Variants in PXDNL observed in about 807,000 individuals in gnomAD.
PXDNL encodes the protein peroxidasin like, also known as probable oxidoreductase PXDNL.
PXDNL carries 145 observed loss-of-function variants against 150.8 expected under a neutral mutation model. The observed-to-expected ratio is 0.96, with a 90% CI of 0.84 to 1.10. The LOEUF (loss-of-function observed/expected upper bound fraction) is 1.10. PXDNL is among the 50% of genes least tolerant of loss of function. The pLI is 0.00. For missense variants in PXDNL, 2,087 were observed against 1,873.9 expected (o/e 1.11, Z -2.10); for synonymous variants, 757 against 725.7 (o/e 1.04, Z -0.69).
At chr8:51,466,891 A>C (rs1223708750) in intron 8 of PXDNL, among the ~76,000 whole-genome samples, 3 of 152,156 alleles carry the variant, frequency 2.0e-5, no homozygotes, top group African/African-American at 7.2e-5. Context: ...AAAGTCAAAA[A>C]ATAACAGGTC....
At chr8:51,808,765 A>G (rs1286898645) in intron 1 of PXDNL, among the ~76,000 whole-genome samples, 1 of 152,184 alleles carries the variant, frequency 6.6e-6, no homozygotes, top group Non-Finnish European at 1.5e-5. Flanking sequence ...GTCAGCACAT[A>G]ATCAATTGAA....
intron 1 of PXDNL, among the ~76,000 whole-genome samples, chr8:51,655,152 A>G (rs1451563800): frequency 6.6e-6 from 1 of 152,144 alleles, no homozygotes; most frequent in African/African-American, 2.4e-5. Context: ...TCACATATCA[A>G]CTCAACACCA....
chr8:51,615,893 A>C (rs1463563126), intron 2 of PXDNL, among the ~76,000 whole-genome samples: 1 of 152,238 alleles, frequency 6.6e-6, no homozygotes, highest in African/African-American at 2.4e-5. Flanking sequence ...ACATGGCAGC[A>C]GAGAATGGCC....
At chr8:51,568,627 T>A (rs1437033556) in intron 3 of PXDNL, among the ~76,000 whole-genome samples, 2 of 151,922 alleles carry the variant, frequency 1.3e-5, no homozygotes, top group Non-Finnish European at 2.9e-5. Context: ...TTTTGGGACC[T>A]GTGTTTCCCA....
chr8:51,628,399 C>CTTTTTTTTTTTTTT (rs71550276), intron 2 of PXDNL, among the ~76,000 whole-genome samples: 10 of 69,784 alleles, frequency 1.4e-4, no homozygotes, highest in Admixed American at 2.5e-4. Context: ...CTTTTCTTTT[C>CTTTTTTTTTTTTTT]TTTTTTTTTT....
intron 1 of PXDNL, among the ~76,000 whole-genome samples, chr8:51,655,899 G>C (rs1023946086): frequency 4.6e-5 from 7 of 152,100 alleles, no homozygotes; most frequent in Non-Finnish European, 1.0e-4. Context: ...AAGAAACAAA[G>C]CCCTGGACCC....
At chr8:51,410,562 C>T (rs1808601355) in intron 16 of PXDNL, among the ~76,000 whole-genome samples, 1 of 152,034 alleles carries the variant, frequency 6.6e-6, no homozygotes, top group African/African-American at 2.4e-5. Flanking sequence ...CCTTCTGCAC[C>T]ACGTCTCGGT....
chr8:51,576,891 C>T (rs373677833), intron 3 of PXDNL, among the ~76,000 whole-genome samples: 33 of 151,860 alleles, frequency 2.2e-4, no homozygotes, highest in African/African-American at 7.7e-4. Context: ...ATATATTTGA[C>T]AAATTAGAAA....
chr8:51,640,105 C>T (rs1255199965), intron 2 of PXDNL, among the ~76,000 whole-genome samples: 1 of 152,186 alleles, frequency 6.6e-6, no homozygotes, highest in Admixed American at 6.5e-5. Context: ...ACAAAAACCA[C>T]ATGATTATCT....
chr8:51,332,717 G>A (rs1805725998), intron 21 of PXDNL, among the ~76,000 whole-genome samples: 2 of 152,088 alleles, frequency 1.3e-5, no homozygotes, highest in Admixed American at 6.6e-5. Context: ...CAATAAAATT[G>A]AACAAGTAGA....
intron 1 of PXDNL, among the ~76,000 whole-genome samples, chr8:51,745,585 C>G (rs1585718482): frequency 1.3e-5 from 2 of 152,180 alleles, no homozygotes; most frequent in Admixed American, 6.5e-5. Flanking sequence ...AATGGCCACC[C>G]TGTTCCCAGA....
At chr8:51,805,353 CTTTA>C (rs2037664393) in intron 1 of PXDNL, among the ~76,000 whole-genome samples, 1 of 147,778 alleles carries the variant, frequency 6.8e-6, no homozygotes, top group Non-Finnish European at 1.5e-5. Flanking sequence ...ATATATAAAA[CTTTA>C]TATATAATTT....
At position 51,809,345 on chromosome 8, in the gene PXDNL, C is replaced by T; in HGVS notation, c.-1G>A. The T allele has an allele frequency of 1.3e-6, 2 of 1,528,810 alleles. No homozygotes were observed. The highest frequency in any genetic ancestry group is 1.8e-6 in the Non-Finnish European group (2 of 1,138,888). The allele number at this position is 1,528,810 out of a possible 1,614,324, so 94.7% of individuals were successfully genotyped here. On this transcript the variant is annotated 5_prime_UTR_variant, in exon 1 of 23. Coordinates refer to ENST00000356297, the MANE Select transcript of PXDNL (RefSeq NM_144651.5). Reference sequence around the variant, plus strand: ...TCCAGCAGAACAGTCTGGGCTCCATCGCTCCATTCGCTGCTGGCCACGCGA... The same window carrying T: ...TCCAGCAGAACAGTCTGGGCTCCATTGCTCCATTCGCTGCTGGCCACGCGA...
intron 1 of PXDNL, among the ~76,000 whole-genome samples, chr8:51,797,726 TATC>T (rs35930724): frequency 0.51 from 76,649 of 151,636 alleles, 23,401 homozygotes; most frequent in Non-Finnish European, 0.67. Flanking sequence ...GAAGAATTAA[TATC>T]ATGAAAATGG....
chr8:51,369,921 A>T (rs1807046503), intron 19 of PXDNL, among the ~76,000 whole-genome samples: 1 of 152,132 alleles, frequency 6.6e-6, no homozygotes, highest in Admixed American at 6.5e-5. Context: ...CCCTCCTCCG[A>T]GTCTTCAACA....
At chr8:51,793,110 C>G (rs1256422806) in intron 1 of PXDNL, among the ~76,000 whole-genome samples, 1 of 152,152 alleles carries the variant, frequency 6.6e-6, no homozygotes, top group Non-Finnish European at 1.5e-5. Flanking sequence ...CCCTCTGGGA[C>G]AGACAGCCCA....
chr8:51,664,441 A>C (rs1182758073), intron 1 of PXDNL, among the ~76,000 whole-genome samples: 2 of 152,112 alleles, frequency 1.3e-5, no homozygotes, highest in African/African-American at 4.8e-5. Flanking sequence ...TCTGTGCCCC[A>C]CACTCCATGT....
chr8:51,352,832 T>C (rs1434797472), intron 19 of PXDNL, among the ~76,000 whole-genome samples: 1 of 152,202 alleles, frequency 6.6e-6, no homozygotes, highest in Admixed American at 6.5e-5. Context: ...GCCATTATCC[T>C]AAGTGAAATA....
chr8:51,408,805 G>A lies in PXDNL; in HGVS notation c.2819C>T (p.Pro940Leu). ...GKPLLPFSTG[P>L]PTECARQEQE... ...CTCCTGTCGCGCGCACTCGGTGGGTGGGCCTGTAGAAAAGGGCAATAAGGG... is the reference window on the plus strand; with the variant it reads ...CTCCTGTCGCGCGCACTCGGTGGGTAGGCCTGTAGAAAAGGGCAATAAGGG... Residue 940 changes from proline (P) to leucine (L), a missense_variant, in exon 17 of 23, where the codon CCA (proline) becomes CTA (leucine). Transcript: ENST00000356297. 2 of 1,569,350 alleles carry A rather than the reference G, an allele frequency of 1.3e-6. No homozygotes were observed. Among genetic ancestry groups the A allele is most frequent in the South Asian group, 1.2e-5 (1 of 83,530 alleles).
Sources: gnomAD v4.1 joint callset for allele counts (sites outside exome capture counted in the v4.1 genomes callset) on GRCh38, gnomAD v4.1.1 for gene constraint, MANE v1.5 for transcripts, NCBI Gene and HGNC (gene_info 2026-07-23, HGNC 2026-07-21) for gene names.